Variants in TRIP6 observed in about 807,000 individuals in gnomAD.
The protein encoded by TRIP6 is thyroid hormone receptor interactor 6.
In TRIP6, 33 loss-of-function variants were observed where a neutral mutation model predicts 51.9. The ratio of observed to expected loss-of-function variants is 0.64; its 90% CI spans 0.48 to 0.85. The LOEUF (loss-of-function observed/expected upper bound fraction) is 0.85, where lower values mean the gene tolerates loss of function less well. Ranked by LOEUF, TRIP6 falls within the 40% of genes least tolerant of loss-of-function variation. The pLI, the probability that TRIP6 is intolerant of heterozygous loss-of-function variation, is 0.00. For missense variants in TRIP6, 661 were observed against 652.1 expected, an observed-to-expected ratio of 1.01 and a Z score of -0.15; for synonymous variants, 255 against 275.8, an observed-to-expected ratio of 0.92 and a Z score of 0.75.
At position 100,872,760 on chromosome 7, in the gene TRIP6, C is replaced by T. The variant is rs371700407; in HGVS notation, c.1299+16C>T. 2 of 1,613,326 alleles carry T rather than the reference C, an allele frequency of 1.2e-6. No individual in the cohort carries two copies. The highest frequency in any genetic ancestry group is 1.7e-6 in the Non-Finnish European group (2 of 1,179,628). On this transcript the variant is annotated intron_variant, in intron 8 of 8. Transcript: ENST00000200457. ...CAAGTGCGAGGTCAGGGGCCCCCAG[C>T]ACGTGCAAGGGGCTGGCAGTGTCTA...
chr7:100,871,767 GTC>G, intron 7 of TRIP6, 46 bp downstream of exon 7: 14 of 1,595,068 alleles, frequency 8.8e-6, no homozygotes, highest in Non-Finnish European at 1.0e-5. Flanking sequence ...GACCTTTCCT[GTC>G]TCTCTCATCT....
At position 100,873,387 on chromosome 7, in the gene TRIP6, C is replaced by G. The variant is rs1815322882; in HGVS notation, c.*84C>G. The G allele has an allele frequency of 1.3e-6, 2 of 1,499,952 alleles. No individual in the cohort carries two copies. Among genetic ancestry groups the G allele is most frequent in the Admixed American group, 4.3e-5 (2 of 46,918 alleles). The allele number at this position is 1,499,952 out of a possible 1,614,324, so 92.9% of individuals were successfully genotyped here. A position where few individuals can be genotyped will look rare whatever the true frequency, so the allele number is the denominator to read the frequency against. On this transcript the variant is annotated 3_prime_UTR_variant, in exon 9 of 9. Transcript: ENST00000200457. ...CTCTCCCTGACATCCACCTGTATGA[C>G]TTTGTCACCAAATGCTGTCTTCTCT...
chr7:100,872,181 G>GTTTTTTTATT (rs1815288704), intron 7 of TRIP6, among the ~76,000 whole-genome samples: 1 of 95,592 alleles, frequency 1.0e-5, no homozygotes, highest in South Asian at 3.7e-4. Flanking sequence ...CGCCTGGCTA[G>GTTTTTTTATT]TTTTTTTTTT....
chr7:100,872,013 GTTT>G (rs71517130), intron 7 of TRIP6, among the ~76,000 whole-genome samples: 2 of 115,240 alleles, frequency 1.7e-5, no homozygotes, highest in African/African-American at 3.2e-5. Context: ...AGTTTTCTTC[GTTT>G]TTTTTTTTTT....
rs1200186810 is a variant in TRIP6 at position 100,867,518 on chromosome 7, G to C, written c.21G>C (p.Leu7=). 9 of 1,506,642 alleles carry C rather than the reference G, an allele frequency of 6.0e-6. No individual in the cohort carries two copies. The highest frequency in any genetic ancestry group is 8.0e-6 in the Non-Finnish European group (9 of 1,129,726). 93.3% of individuals were successfully genotyped at this position (1,506,642 alleles called of 1,614,324 possible). Residue 7 remains leucine, a synonymous_variant, in exon 1 of 9, where the codon CTG becomes CTC. Coordinates refer to ENST00000200457, the MANE Select transcript of TRIP6 (RefSeq NM_003302.3). This position sits in a 1 kb window ranked among gnomAD's most constrained non-coding sequence, Gnocchi z 5.4. MSGPTW[L]PPKQPEPARA... ...AGGCCATGTCGGGGCCCACCTGGCT[G>C]CCCCCGAAGCAGCCGGAGCCCGCCA...
chr7:100,870,742 T>C lies in TRIP6; in HGVS notation c.998T>C (p.Val333Ala), dbSNP rs373669348. The C allele has an allele frequency of 7.5e-6, 12 of 1,609,970 alleles. No individual in the cohort carries two copies. In the African/African-American group the frequency reaches 1.3e-4, roughly 18 times the overall value. Residue 333 changes from valine (V) to alanine (A), a missense_variant and splice_region_variant, in exon 6 of 9, where the codon GTG (valine) becomes GCG (alanine). Coordinates refer to ENST00000200457, the MANE Select transcript of TRIP6 (RefSeq NM_003302.3). ...AGGGCATATTGCGAGGGCTGCTACG[T>C]GGTGAGTGGCTGGGGCTGGGAGGAG... ...ERRAYCEGCY[V>A]ATLEKCATCS... is the part of the protein sequence containing the mutation.
Position 100,871,558 on chromosome 7 carries a change from T to C in TRIP6, c.1015T>C (p.Cys339Arg). The C allele has an allele frequency of 6.2e-7, 1 of 1,613,722 alleles. No homozygotes were observed. The highest frequency in any genetic ancestry group is 8.5e-7 in the Non-Finnish European group (1 of 1,179,840). Residue 339 changes from cysteine (C) to arginine (R), a missense_variant, in exon 7 of 9, where the codon TGT becomes CGT. Physicochemically the swap from Cys to Arg is radical, Grantham distance 180. Transcript: ENST00000200457. ...EGCYVATLEKCATCSQPILDR... is the reference protein window; with the variant it reads ...EGCYVATLEKRATCSQPILDR... Reference sequence around the variant, plus strand: ...TTCCCAACAGGCCACCCTGGAGAAATGTGCCACGTGCTCCCAGCCCATCCT... The same window carrying C: ...TTCCCAACAGGCCACCCTGGAGAAACGTGCCACGTGCTCCCAGCCCATCCT...
At chr7:100,872,973 C>T in intron 8 of TRIP6, 199 bp from the exon 9 acceptor site, 2 of 1,081,084 alleles carry the variant, frequency 1.9e-6, no homozygotes, top group Non-Finnish European at 2.5e-6. Flanking sequence ...GCCTCAGCCT[C>T]CTGAGTAGCT....
rs1455515675 is a variant in TRIP6, at chr7:100,871,694, A to G, written c.1151A>G (p.Gln384Arg). 1 of 1,614,094 alleles carries G rather than the reference A, an allele frequency of 6.2e-7. No homozygotes were observed. The highest frequency in any genetic ancestry group is 1.7e-5 in the Admixed American group (1 of 60,028). ...CCCTTCACAGTGGATGCTACGAGCC[A>G]GATCCACTGCATTGAGGACTTTCAC... ...GIPFTVDATSQIHCIEDFHRK... is the reference protein window; with the variant it reads ...GIPFTVDATSRIHCIEDFHRK... The change falls in exon 7 of 9, where the codon CAG (glutamine) becomes CGG (arginine). Residue 384 changes from glutamine (Q) to arginine (R), a missense_variant. Physicochemically the swap from Gln to Arg is conservative, Grantham distance 43 (BLOSUM62 1). Coordinates refer to ENST00000200457, the MANE Select transcript of TRIP6 (RefSeq NM_003302.3).
Position 100,872,536 on chromosome 7 carries a change from C to T in TRIP6, c.1179-88C>T. On this transcript the variant is annotated intron_variant, in intron 7 of 8. Coordinates refer to ENST00000200457, the MANE Select transcript of TRIP6 (RefSeq NM_003302.3). ...GCCATACCTCTGGCCTCTCTGATTC[C>T]CTCCTGTGCCCCACCTTCTCTGGGT... 1.5e-5 allele frequency: 24 copies of T among 1,570,060 alleles called. No homozygotes were observed. The South Asian group carries it at 2.6e-4, about 17-fold the overall frequency.
In TRIP6 at chr7:100,873,417, C is replaced by T; in HGVS notation, c.*114C>T. 1 of 1,428,138 alleles carries T rather than the reference C, an allele frequency of 7.0e-7. No individual in the cohort carries two copies. Among genetic ancestry groups the T allele is most frequent in the Middle Eastern group, 2.5e-4 (1 of 4,080 alleles). The allele number at this position is 1,428,138 out of a possible 1,614,324, so 88.5% of individuals were successfully genotyped here. A position where few individuals can be genotyped will look rare whatever the true frequency, so the allele number is the denominator to read the frequency against. On this transcript the variant is annotated 3_prime_UTR_variant, in exon 9 of 9. Coordinates refer to ENST00000200457, the MANE Select transcript of TRIP6 (RefSeq NM_003302.3). Reference sequence around the variant, plus strand: ...TCACCAAATGCTGTCTTCTCTTTCTCCAATCAAGAAATAATAATCCCTCGA... The same window carrying T: ...TCACCAAATGCTGTCTTCTCTTTCTTCAATCAAGAAATAATAATCCCTCGA...
Position 100,868,728 on chromosome 7 carries a change from C to G in TRIP6, c.597C>G (p.His199Gln). Residue 199 changes from histidine to glutamine, a missense_variant, in exon 4 of 9, where the codon CAC (histidine) becomes CAG (glutamine). Physicochemically the swap from His to Gln is conservative, Grantham distance 24. Coordinates refer to ENST00000200457, the MANE Select transcript of TRIP6 (RefSeq NM_003302.3). ...CCTCTGGGCCCCTCCCGGGCCCCCA[C>G]TTTCCTCTCCCAGGCCGAGGTGAAG... is the stretch of plus-strand genomic sequence containing the variant. ...SQASGPLPGP[H>Q]FPLPGRGEVW... is the part of the protein sequence containing the mutation. 1.3e-6 allele frequency: 2 copies of G among 1,565,718 alleles called. No individual in the cohort carries two copies. Among genetic ancestry groups the G allele is most frequent in the East Asian group, 2.3e-5 (1 of 44,280 alleles).
chr7:100,870,891 G>T, intron 6 of TRIP6, 148 bp downstream of exon 6: 1 of 1,136,544 alleles, frequency 8.8e-7, no homozygotes, highest in Non-Finnish European at 1.2e-6. Flanking sequence ...GCGGAATTCT[G>T]CAAGTATCAA....
intron 6 of TRIP6, chr7:100,870,997 C>A (rs978929978): frequency 1.5e-6 from 1 of 665,862 alleles, no homozygotes; most frequent in Non-Finnish European, 2.7e-6. Context: ...ATTCCCATGA[C>A]ACCCCTGTGA....
In TRIP6 at chr7:100,867,746, T is replaced by C; in HGVS notation, c.110-115T>C. ...GGGGGGAACAGCCGCCTGCGCTCTC[T>C]TGGGACCCTAGATTTGGGGGAGGAG... On this transcript the variant is annotated intron_variant, in intron 1 of 8. Coordinates refer to ENST00000200457, the MANE Select transcript of TRIP6 (RefSeq NM_003302.3). This position sits in a 1 kb window ranked among gnomAD's most constrained non-coding sequence, Gnocchi z 5.4. 3.3e-6 allele frequency: 5 copies of C among 1,515,838 alleles called. No homozygotes were observed. The highest frequency in any genetic ancestry group is 3.5e-6 in the Non-Finnish European group (4 of 1,132,734). The allele number at this position is 1,515,838 out of a possible 1,614,324, so 93.9% of individuals were successfully genotyped here.
chr7:100,868,294 C>T, intron 3 of TRIP6, 61 bp downstream of exon 3: 3 of 1,576,804 alleles, frequency 1.9e-6, no homozygotes, highest in Non-Finnish European at 2.6e-6. Flanking sequence ...TCAGACCCAG[C>T]CTGATCGATC....
chr7:100,868,544 C>G lies in TRIP6; in HGVS notation c.413C>G (p.Pro138Arg). 2.5e-6 allele frequency: 4 copies of G among 1,613,106 alleles called. No homozygotes were observed. The highest frequency in any genetic ancestry group is 3.4e-6 in the Non-Finnish European group (4 of 1,180,030). The change falls in exon 4 of 9, where the codon CCA becomes CGA. Residue 138 changes from proline to arginine, a missense_variant. Physicochemically the swap from Pro to Arg is moderately radical, Grantham distance 103 (BLOSUM62 -2). Coordinates refer to ENST00000200457, the MANE Select transcript of TRIP6 (RefSeq NM_003302.3). ...GCCTACCGCACGGGCTCCCTGAAGCCAAATCCAGCCTCGCCGCTCCCAGCG... is the reference window on the plus strand; with the variant it reads ...GCCTACCGCACGGGCTCCCTGAAGCGAAATCCAGCCTCGCCGCTCCCAGCG... ...PPAYRTGSLK[P>R]NPASPLPASP...
intron 8 of TRIP6, 81 bp downstream of exon 8, chr7:100,872,825 G>C: frequency 6.4e-7 from 1 of 1,551,388 alleles, no homozygotes; most frequent in South Asian, 1.2e-5. Flanking sequence ...CAGAGGTCTG[G>C]GGTTGATGGA....
At position 100,870,728 on chromosome 7, in the gene TRIP6, C is replaced by T. The variant is rs781604997; in HGVS notation, c.984C>T (p.Cys328=). Residue 328 remains cysteine, a synonymous_variant, in exon 6 of 9, where the codon TGC becomes TGT. Transcript: ENST00000200457. ...ACGCCGTGGAGAGGAGGGCATATTG[C>T]GAGGGCTGCTACGTGGTGAGTGGCT... ...HFYAVERRAY[C]EGCYVATLEK... The T allele has an allele frequency of 1.6e-5, 25 of 1,612,612 alleles. No individual in the cohort carries two copies. The highest frequency in any genetic ancestry group is 2.0e-5 in the Non-Finnish European group (23 of 1,179,078).
Sources: allele counts gnomAD v4.1 joint callset (sites outside exome capture counted in the v4.1 genomes callset), GRCh38; gene constraint gnomAD v4.1.1; non-coding constraint Gnocchi (gnomAD v3.1); transcripts MANE v1.5; gene names NCBI Gene and HGNC (gene_info 2026-07-23, HGNC 2026-07-21).